Variants in RORA observed in about 807,000 individuals in gnomAD.
RORA encodes RAR related orphan receptor A, also known as nuclear receptor ROR-alpha.
Under a neutral mutation model 69.5 loss-of-function variants are expected in RORA, and 7 were observed. The ratio of observed to expected loss-of-function variants is 0.10; its 90% CI spans 0.06 to 0.19. RORA has a LOEUF of 0.19. RORA is among the 10% of genes least tolerant of loss of function. The pLI, the probability that RORA is intolerant of heterozygous loss-of-function variation, is 1.00. For missense variants in RORA, 457 were observed against 663.0 expected (o/e 0.69, Z 3.41); for synonymous variants, 261 against 240.8 (o/e 1.08, Z -0.78).
At chr15:60,539,862 G>C (rs1327744040) in intron 2 of RORA, among the ~76,000 whole-genome samples, 3 of 152,094 alleles carry the variant, frequency 2.0e-5, no homozygotes, top group Admixed American at 6.5e-5. Context: ...TTCTCAGTTG[G>C]CGTAAGGTCC....
At chr15:60,627,772 C>T (rs552617969) in intron 2 of RORA, among the ~76,000 whole-genome samples, 25 of 152,148 alleles carry the variant, frequency 1.6e-4, no homozygotes, top group Non-Finnish European at 3.5e-4. Flanking sequence ...AAACCCAGCT[C>T]CAGGCATTGC....
At chr15:61,041,699 C>T (rs1361382577) in intron 1 of RORA, among the ~76,000 whole-genome samples, 1 of 152,192 alleles carries the variant, frequency 6.6e-6, no homozygotes, top group Non-Finnish European at 1.5e-5. Flanking sequence ...GCTGGAATTA[C>T]AGGCGCGAGC....
chr15:60,727,616 G>T (rs8024206), intron 1 of RORA, among the ~76,000 whole-genome samples: 18,208 of 152,168 alleles, frequency 0.12, 1,448 homozygotes, highest in Non-Finnish European at 0.18. Flanking sequence ...GTATCTGGAG[G>T]CAAAGCAACT....
At chr15:61,056,219 G>A (rs1303778863) in intron 1 of RORA, among the ~76,000 whole-genome samples, 6 of 152,160 alleles carry the variant, frequency 3.9e-5, no homozygotes, top group South Asian at 2.1e-4. Context: ...TGCTGGCTCC[G>A]ACAGTAAGTA....
chr15:60,774,693 T>C (rs190508182), intron 1 of RORA, among the ~76,000 whole-genome samples: 110 of 152,326 alleles, frequency 7.2e-4, no homozygotes, highest in African/African-American at 2.1e-3. Flanking sequence ...ATACACCACA[T>C]TGGCCACTGG....
intron 2 of RORA, among the ~76,000 whole-genome samples, chr15:60,575,539 C>CA (rs945694661): frequency 1.9e-4 from 28 of 148,106 alleles, no homozygotes; most frequent in Admixed American, 8.1e-4. Context: ...ATATGATTTA[C>CA]AAAAAAAAAA....
At position 60,496,058 on chromosome 15, in the gene RORA, G is replaced by A. The variant is rs1487058463; in HGVS notation, c.*1397C>T. 2.0e-5 allele frequency: 3 copies of A among 152,098 alleles called. No individual in the cohort carries two copies. The highest frequency in any genetic ancestry group is 6.5e-5 in the Admixed American group (1 of 15,270). 9.4% of individuals were successfully genotyped at this position (152,098 alleles called of 1,614,324 possible). ...TAAAGTATTTAATATTTAAATAAGAGAAACTGGTTCAACATTGTATGCTTC... is the reference window on the plus strand; with the variant it reads ...TAAAGTATTTAATATTTAAATAAGAAAAACTGGTTCAACATTGTATGCTTC... On this transcript the variant is annotated 3_prime_UTR_variant, in exon 11 of 11. Coordinates refer to ENST00000335670, the MANE Select transcript of RORA (RefSeq NM_134261.3). The surrounding 1 kb of genome is among the most constrained non-coding windows in gnomAD (Gnocchi z 4.5).
intron 1 of RORA, among the ~76,000 whole-genome samples, chr15:61,050,861 G>C (rs1394202705): frequency 6.6e-6 from 1 of 152,146 alleles, no homozygotes; most frequent in Admixed American, 6.5e-5. Context: ...CAAGTCTTAG[G>C]TTGACTAACT....
chr15:60,879,876 C>T (rs9806633), intron 1 of RORA, among the ~76,000 whole-genome samples: 90,355 of 152,094 alleles, frequency 0.59, 27,111 homozygotes, highest in South Asian at 0.63. Context: ...TCCACATCTA[C>T]GTGCCATTTT....
intron 1 of RORA, among the ~76,000 whole-genome samples, chr15:61,064,427 G>C (rs1410806256): frequency 6.6e-6 from 1 of 152,156 alleles, no homozygotes; most frequent in Admixed American, 6.5e-5. Flanking sequence ...AGACCGTCAA[G>C]TTACATCCCA....
At chr15:60,854,021 T>C (rs1187400426) in intron 1 of RORA, among the ~76,000 whole-genome samples, 2 of 152,160 alleles carry the variant, frequency 1.3e-5, no homozygotes, top group East Asian at 3.9e-4. Flanking sequence ...CCCAGAACTT[T>C]GGGAGGCCAA....
At chr15:60,569,784 C>T (rs143350193) in intron 2 of RORA, among the ~76,000 whole-genome samples, 4 of 152,034 alleles carry the variant, frequency 2.6e-5, no homozygotes, top group African/African-American at 4.8e-5. Context: ...AACCTACTGG[C>T]GACAAAGAAC....
intron 1 of RORA, among the ~76,000 whole-genome samples, chr15:60,880,854 A>C (rs1261672607): frequency 6.6e-6 from 1 of 152,240 alleles, no homozygotes; most frequent in South Asian, 2.1e-4. Flanking sequence ...GAAATAAAAA[A>C]ATCCGCCGAT....
intron 1 of RORA, among the ~76,000 whole-genome samples, chr15:61,003,102 C>T (rs1464410688): frequency 6.7e-6 from 1 of 149,506 alleles, no homozygotes; most frequent in Admixed American, 6.7e-5. Context: ...CGAGATGGTG[C>T]CACTGCACTC....
chr15:61,016,118 T>C (rs1218478148), intron 1 of RORA, among the ~76,000 whole-genome samples: 1 of 152,192 alleles, frequency 6.6e-6, no homozygotes, highest in Non-Finnish European at 1.5e-5. Flanking sequence ...CAGTTTCCCC[T>C]TTTTCTCTCA....
chr15:60,511,734 A>G lies in RORA; in HGVS notation c.425-113T>C. The G allele has an allele frequency of 2.6e-6, 3 of 1,136,734 alleles. No homozygotes were observed. In the South Asian group the frequency reaches 4.9e-5, roughly 19 times the overall value. The allele number at this position is 1,136,734 out of a possible 1,614,324, so 70.4% of individuals were successfully genotyped here. A position where few individuals can be genotyped will look rare whatever the true frequency, so the allele number is the denominator to read the frequency against. On this transcript the variant is annotated intron_variant, in intron 4 of 10. Coordinates refer to ENST00000335670, the MANE Select transcript of RORA (RefSeq NM_134261.3). This position sits in a 1 kb window ranked among gnomAD's most constrained non-coding sequence, Gnocchi z 6.4. Reference sequence around the variant, plus strand: ...TCACACAATCTCAATCCAAAACTGCATGACCACAAAATAAGGACATATTCA... The same window carrying G: ...TCACACAATCTCAATCCAAAACTGCGTGACCACAAAATAAGGACATATTCA...
intron 1 of RORA, among the ~76,000 whole-genome samples, chr15:60,685,836 A>G (rs773293065): frequency 3.3e-5 from 5 of 152,222 alleles, no homozygotes; most frequent in Non-Finnish European, 7.3e-5. Context: ...GTAATTGCAT[A>G]AAAAGCCTTT....
chr15:60,703,065 C>T (rs1035114415), intron 1 of RORA, among the ~76,000 whole-genome samples: 1 of 151,880 alleles, frequency 6.6e-6, no homozygotes, highest in East Asian at 1.9e-4. Context: ...TGAACCCTGT[C>T]TATCATAAAG....
chr15:60,919,960 A>G (rs1012492710), intron 1 of RORA, among the ~76,000 whole-genome samples: 2 of 152,240 alleles, frequency 1.3e-5, no homozygotes, highest in Admixed American at 1.3e-4. Flanking sequence ...AAAATCTTAT[A>G]GAACGTACAG....
Sources: allele counts gnomAD v4.1 joint callset (sites outside exome capture counted in the v4.1 genomes callset), GRCh38; gene constraint gnomAD v4.1.1; non-coding constraint Gnocchi (gnomAD v3.1); transcripts MANE v1.5; gene names NCBI Gene and HGNC (gene_info 2026-07-23, HGNC 2026-07-21).